TFDP2: variants seen among roughly 807,000 people sequenced by gnomAD.
TFDP2 encodes transcription factor Dp-2 (E2F dimerization partner 2).
A neutral mutation model predicts 59.3 loss-of-function variants in TFDP2; 17 were observed. That is an observed-to-expected ratio of 0.29 (90% CI 0.20 to 0.43). The LOEUF is 0.43. Among genes scored for constraint, TFDP2 ranks in the 20% least tolerant of loss-of-function variants. The probability of loss-of-function intolerance (pLI) is 1.00; values close to 1 mark genes in which losing one functional copy is unlikely to be tolerated. For missense variants in TFDP2, 391 were observed against 528.8 expected (o/e 0.74, Z 2.56); for synonymous variants, 180 against 194.7 (o/e 0.92, Z 0.63).
intron 4 of TFDP2, among the ~76,000 whole-genome samples, chr3:142,001,102 G>A (rs1943722017): frequency 6.6e-6 from 1 of 152,202 alleles, no homozygotes; most frequent in Admixed American, 6.5e-5. Flanking sequence ...CCCTGGTGAG[G>A]GTTCCCAATG....
At chr3:142,051,433 G>A (rs1395695753) in intron 3 of TFDP2, among the ~76,000 whole-genome samples, 1 of 152,092 alleles carries the variant, frequency 6.6e-6, no homozygotes, top group Non-Finnish European at 1.5e-5. Flanking sequence ...CAGCTACTCG[G>A]GAGGCTGAAG....
At chr3:142,088,240 T>C (rs1364510754) in intron 3 of TFDP2, among the ~76,000 whole-genome samples, 1 of 152,254 alleles carries the variant, frequency 6.6e-6, no homozygotes, top group South Asian at 2.1e-4. Context: ...ACAATCTTTA[T>C]ATGTGTCTCA....
intron 7 of TFDP2, among the ~76,000 whole-genome samples, chr3:141,975,662 C>G (rs1940524272): frequency 6.7e-6 from 1 of 148,902 alleles, no homozygotes; most frequent in Non-Finnish European, 1.5e-5. Context: ...CCACTGCACT[C>G]CAGTCTGGGT....
intron 3 of TFDP2, among the ~76,000 whole-genome samples, chr3:142,030,562 A>G (rs1946371759): frequency 6.6e-6 from 1 of 152,130 alleles, no homozygotes; most frequent in Non-Finnish European, 1.5e-5. Context: ...TTACCAGATG[A>G]CGCTTCTTAC....
At chr3:141,957,922 T>C (rs557205899) in intron 11 of TFDP2, among the ~76,000 whole-genome samples, 39 of 152,328 alleles carry the variant, frequency 2.6e-4, no homozygotes, top group African/African-American at 9.4e-4. Flanking sequence ...CTTGTGAATA[T>C]ACCAAAACAT....
intron 3 of TFDP2, among the ~76,000 whole-genome samples, chr3:142,073,274 T>C (rs1377726036): frequency 3.3e-5 from 5 of 152,150 alleles, no homozygotes; most frequent in Non-Finnish European, 5.9e-5. Context: ...GGTCTCACCA[T>C]ATTGCCCAAT....
intron 1 of TFDP2, among the ~76,000 whole-genome samples, chr3:142,131,129 G>A (rs1199276295): frequency 6.8e-6 from 1 of 147,800 alleles, no homozygotes; most frequent in Admixed American, 6.7e-5. Flanking sequence ...CCCATAGAAA[G>A]TAACAAATTG....
intron 4 of TFDP2, among the ~76,000 whole-genome samples, chr3:142,004,450 G>C (rs1944060885): frequency 6.6e-6 from 1 of 152,160 alleles, no homozygotes; most frequent in Non-Finnish European, 1.5e-5. Context: ...CGGCAATGAA[G>C]AGTTATTGCT....
At chr3:141,984,063 T>C (rs551610623) in intron 6 of TFDP2, among the ~76,000 whole-genome samples, 3 of 134,070 alleles carry the variant, frequency 2.2e-5, no homozygotes, top group South Asian at 4.5e-4. Context: ...GCAACCCAAC[T>C]GCCCACCAAT....
chr3:142,001,192 T>C (rs1245318627), intron 4 of TFDP2, among the ~76,000 whole-genome samples: 1 of 152,154 alleles, frequency 6.6e-6, no homozygotes, highest in Non-Finnish European at 1.5e-5. Context: ...AGGTGGAAGT[T>C]ATCATACCCC....
chr3:142,044,192 T>C (rs1213213254), intron 3 of TFDP2: 3 of 403,986 alleles, frequency 7.4e-6, no homozygotes, highest in Non-Finnish European at 9.1e-6. Flanking sequence ...AGCCTGAGCA[T>C]ACTCATGGCT....
At chr3:141,984,453 C>T (rs150716137) in intron 6 of TFDP2, among the ~76,000 whole-genome samples, 60 of 152,138 alleles carry the variant, frequency 3.9e-4, no homozygotes, top group African/African-American at 1.3e-3. Context: ...GCCGAGATCA[C>T]GCCACCGTAC....
At chr3:141,982,964 T>C (rs1159072095) in intron 6 of TFDP2, among the ~76,000 whole-genome samples, 1 of 152,202 alleles carries the variant, frequency 6.6e-6, no homozygotes, top group Non-Finnish European at 1.5e-5. Context: ...AATACACATC[T>C]CACAAGTTGT....
chr3:142,064,930 C>G (rs978044876), intron 3 of TFDP2, among the ~76,000 whole-genome samples: 3 of 152,080 alleles, frequency 2.0e-5, no homozygotes, highest in African/African-American at 7.2e-5. Flanking sequence ...CTCTGATTTT[C>G]ATTTTTAAAA....
In TFDP2 at chr3:141,947,198, G is replaced by A. The variant is rs1443945773; in HGVS notation, c.*5315C>T. Reference sequence around the variant, plus strand: ...GGTGCAGGCTCCTGATACATAGTGTGGGTCTTTGGGAAATGCATATTAGTT... The same window carrying A: ...GGTGCAGGCTCCTGATACATAGTGTAGGTCTTTGGGAAATGCATATTAGTT... On this transcript the variant is annotated 3_prime_UTR_variant, in exon 13 of 13. Coordinates refer to ENST00000489671, the MANE Select transcript of TFDP2 (RefSeq NM_001178139.2). 2 of 152,112 alleles carry A rather than the reference G, an allele frequency of 1.3e-5. No homozygotes were observed. The highest frequency in any genetic ancestry group is 1.9e-4 in the East Asian group (1 of 5,190). The allele number at this position is 152,112 out of a possible 1,614,324, so 9.4% of individuals were successfully genotyped here.
At chr3:142,037,106 T>C (rs1056361611) in intron 3 of TFDP2, among the ~76,000 whole-genome samples, 5 of 152,246 alleles carry the variant, frequency 3.3e-5, no homozygotes, top group Non-Finnish European at 7.3e-5. Flanking sequence ...AGAATAACTT[T>C]GGTATGACAA....
At chr3:142,084,848 G>A (rs982757903) in intron 3 of TFDP2, among the ~76,000 whole-genome samples, 1 of 152,078 alleles carries the variant, frequency 6.6e-6, no homozygotes, top group Non-Finnish European at 1.5e-5. Flanking sequence ...GGCAGGGATG[G>A]CAGGGGGAGT....
At chr3:141,992,103 AAAG>A (rs962316857) in intron 6 of TFDP2, among the ~76,000 whole-genome samples, 1 of 151,612 alleles carries the variant, frequency 6.6e-6, no homozygotes, top group African/African-American at 2.4e-5. Context: ...GGAAAGAAAG[AAAG>A]AAGAAAAAAA....
intron 3 of TFDP2, among the ~76,000 whole-genome samples, chr3:142,017,051 C>G (rs1324127532): frequency 1.3e-5 from 2 of 152,170 alleles, no homozygotes; most frequent in Admixed American, 1.3e-4. Context: ...TAATCCTCCC[C>G]CAGATATCCT....
Sources: gnomAD v4.1 joint callset for allele counts (sites outside exome capture counted in the v4.1 genomes callset) on GRCh38, gnomAD v4.1.1 for gene constraint, MANE v1.5 for transcripts, NCBI Gene and HGNC (gene_info 2026-07-23, HGNC 2026-07-21) for gene names.